Variants in SPAG16 observed in about 807,000 individuals in gnomAD.
SPAG16 encodes sperm-associated antigen 16 protein.
In SPAG16, 86 loss-of-function variants were observed where a neutral mutation model predicts 80.4. The observed-to-expected ratio is 1.07, with a 90% CI of 0.90 to 1.28. The LOEUF (loss-of-function observed/expected upper bound fraction) is 1.28. SPAG16 is among the 50% of genes most tolerant of loss of function. The pLI is 0.00. For synonymous variants in SPAG16, 294 were observed against 265.9 expected, an observed-to-expected ratio of 1.11 and a Z score of -1.03; for missense variants, 870 against 765.3, an observed-to-expected ratio of 1.14 and a Z score of -1.61.
At chr2:214,276,685 T>G (rs1462042454) in intron 15 of SPAG16, among the ~76,000 whole-genome samples, 1 of 152,248 alleles carries the variant, frequency 6.6e-6, no homozygotes, top group Non-Finnish European at 1.5e-5. Context: ...AGTTACCCTT[T>G]GTGGGTAACC....
At chr2:214,196,655 G>A (rs193090280) in intron 15 of SPAG16, among the ~76,000 whole-genome samples, 7 of 152,130 alleles carry the variant, frequency 4.6e-5, no homozygotes, top group Admixed American at 1.3e-4. Context: ...AGTGAAACCA[G>A]TCTATATGCC....
At chr2:213,500,816 T>A (rs765413677) in intron 10 of SPAG16, among the ~76,000 whole-genome samples, 1 of 152,158 alleles carries the variant, frequency 6.6e-6, no homozygotes, top group Non-Finnish European at 1.5e-5. Flanking sequence ...TCAGAAGGAA[T>A]TAAAAGGTGC....
chr2:214,260,026 A>C, intron 15 of SPAG16, among the ~76,000 whole-genome samples: 1 of 152,306 alleles, frequency 6.6e-6, no homozygotes, highest in Non-Finnish European at 1.5e-5. Context: ...TATTTAGCAG[A>C]GGATTAAACT....
chr2:213,347,692 G>A (rs1387685163), intron 6 of SPAG16, among the ~76,000 whole-genome samples: 5 of 152,284 alleles, frequency 3.3e-5, no homozygotes, highest in East Asian at 1.9e-4. Context: ...GTAGTTGAGC[G>A]GTTTTCAGTG....
At chr2:213,682,203 G>A (rs2064426008) in intron 10 of SPAG16, among the ~76,000 whole-genome samples, 1 of 152,156 alleles carries the variant, frequency 6.6e-6, no homozygotes. Flanking sequence ...GCTAACTTTA[G>A]GGAATTTTAC....
At chr2:213,971,585 C>A (rs1466621473) in intron 12 of SPAG16, among the ~76,000 whole-genome samples, 1 of 152,000 alleles carries the variant, frequency 6.6e-6, no homozygotes, top group Non-Finnish European at 1.5e-5. Flanking sequence ...CAACCATTAC[C>A]AGAATCTATT....
At chr2:213,547,872 A>G (rs1220070308) in intron 10 of SPAG16, among the ~76,000 whole-genome samples, 2 of 152,152 alleles carry the variant, frequency 1.3e-5, no homozygotes, top group Non-Finnish European at 2.9e-5. Flanking sequence ...TGTTTTTATC[A>G]CTTACGTCTA....
chr2:214,171,334 T>C (rs1231118049), intron 15 of SPAG16, among the ~76,000 whole-genome samples: 1 of 151,978 alleles, frequency 6.6e-6, no homozygotes, highest in South Asian at 2.1e-4. Context: ...GTGCTTAGAC[T>C]GTCAAAGCTC....
chr2:213,492,498 C>T (rs1247048080), intron 10 of SPAG16, among the ~76,000 whole-genome samples: 3 of 151,796 alleles, frequency 2.0e-5, no homozygotes, highest in African/African-American at 7.3e-5. Context: ...TGCAGTGAGC[C>T]AAGATCGTGC....
chr2:213,726,235 C>A (rs2066765038), intron 10 of SPAG16, among the ~76,000 whole-genome samples: 1 of 152,136 alleles, frequency 6.6e-6, no homozygotes, highest in Non-Finnish European at 1.5e-5. Flanking sequence ...AAATAAATAC[C>A]CCATCTCTCT....
chr2:214,275,350 G>T (rs1355766964), intron 15 of SPAG16, among the ~76,000 whole-genome samples: 3 of 151,742 alleles, frequency 2.0e-5, no homozygotes, highest in Non-Finnish European at 4.4e-5. Flanking sequence ...TTTTGAATTT[G>T]TTTGGCCTTG....
intron 13 of SPAG16, among the ~76,000 whole-genome samples, chr2:214,044,185 T>G (rs1202753149): frequency 6.6e-6 from 1 of 152,220 alleles, no homozygotes; most frequent in African/African-American, 2.4e-5. Flanking sequence ...AATATCATAA[T>G]AGCAATCTTT....
At chr2:214,164,313 A>G (rs189488581) in intron 15 of SPAG16, among the ~76,000 whole-genome samples, 5 of 152,286 alleles carry the variant, frequency 3.3e-5, no homozygotes, top group Non-Finnish European at 5.9e-5. Flanking sequence ...AGTTAAGAGA[A>G]CAAAGAGTGA....
chr2:213,426,836 TACACACACACACACACACACACACACAC>T (rs199604984), intron 9 of SPAG16, among the ~76,000 whole-genome samples: 7 of 125,890 alleles, frequency 5.6e-5, no homozygotes, highest in Non-Finnish European at 1.0e-4. Context: ...TTCTGATACA[TACACACACACACACACACACACACACAC>T]ACACACACAC....
At chr2:214,271,753 T>C (rs1309647256) in intron 15 of SPAG16, among the ~76,000 whole-genome samples, 1 of 151,940 alleles carries the variant, frequency 6.6e-6, no homozygotes, top group Non-Finnish European at 1.5e-5. Flanking sequence ...TGAGCCGACA[T>C]TGTGCCACTG....
intron 10 of SPAG16, among the ~76,000 whole-genome samples, chr2:213,509,229 C>G (rs1251484491): frequency 6.6e-6 from 1 of 152,104 alleles, no homozygotes; most frequent in Non-Finnish European, 1.5e-5. Context: ...AATTCCTGAT[C>G]TCGTGATCCA....
At chr2:214,016,941 T>G (rs187651315) in intron 13 of SPAG16, among the ~76,000 whole-genome samples, 11 of 152,280 alleles carry the variant, frequency 7.2e-5, no homozygotes, top group Admixed American at 5.9e-4. Flanking sequence ...AGGAATATGG[T>G]AATGGACATG....
At chr2:213,600,388 G>T (rs2061022094) in intron 10 of SPAG16, among the ~76,000 whole-genome samples, 2 of 152,106 alleles carry the variant, frequency 1.3e-5, no homozygotes, top group South Asian at 4.1e-4. Context: ...CTTTTCCTAA[G>T]TGGTTCAAAA....
At chr2:214,389,995 G>C (rs77995688) in intron 15 of SPAG16, among the ~76,000 whole-genome samples, 1 of 152,092 alleles carries the variant, frequency 6.6e-6, no homozygotes, top group Admixed American at 6.5e-5. Flanking sequence ...CTCAGGAATG[G>C]TTATTAACCA....
Sources: gnomAD v4.1 joint callset for allele counts (sites outside exome capture counted in the v4.1 genomes callset) on GRCh38, gnomAD v4.1.1 for gene constraint, MANE v1.5 for transcripts, NCBI Gene and HGNC (gene_info 2026-07-23, HGNC 2026-07-21) for gene names.